Variants in BMPER observed in about 807,000 individuals in gnomAD.
BMPER encodes the protein BMP binding endothelial regulator, also known as BMP-binding endothelial regulator protein.
In BMPER, 45 loss-of-function variants were observed where a neutral mutation model predicts 87.3. That is an observed-to-expected ratio of 0.52 (90% CI 0.41 to 0.66). The LOEUF (loss-of-function observed/expected upper bound fraction) is 0.66. Among genes scored for constraint, BMPER ranks in the 30% least tolerant of loss-of-function variants. The pLI, the probability that BMPER is intolerant of heterozygous loss-of-function variation, is 0.00. For synonymous variants in BMPER, 326 were observed against 316.2 expected (o/e 1.03, Z -0.33); for missense variants, 784 against 867.5 (o/e 0.90, Z 1.21).
intron 10 of BMPER, among the ~76,000 whole-genome samples, chr7:34,059,002 C>G (rs1788358136): frequency 6.8e-6 from 1 of 147,416 alleles, no homozygotes; most frequent in African/African-American, 2.5e-5. Context: ...TATTGCACAA[C>G]TGAATAAAGA....
At chr7:33,999,903 A>T (rs1786532133) in intron 6 of BMPER, among the ~76,000 whole-genome samples, 1 of 152,220 alleles carries the variant, frequency 6.6e-6, no homozygotes, top group African/African-American at 2.4e-5. Flanking sequence ...AGAACTTAAA[A>T]GGCCACTACG....
At chr7:34,006,509 G>A (rs1335528702) in intron 6 of BMPER, among the ~76,000 whole-genome samples, 4 of 152,032 alleles carry the variant, frequency 2.6e-5, no homozygotes, top group Non-Finnish European at 5.9e-5. Context: ...AGCAATCAGA[G>A]CAAAATTTGA....
intron 11 of BMPER, among the ~76,000 whole-genome samples, chr7:34,078,346 T>C (rs1782340751): frequency 6.6e-6 from 1 of 152,226 alleles, no homozygotes; most frequent in African/African-American, 2.4e-5. Flanking sequence ...TGATTTATCC[T>C]AGGTAAATAC....
At position 34,009,638 on chromosome 7, in the gene BMPER, A is replaced by T. The variant is rs150242584; in HGVS notation, c.576+34854A>T. ...CTGTGGATAAAACCGTATAAATGTG[A>T]GAGAGAGGTGGCATTCTGCTGCTCT... On this transcript the variant is annotated intron_variant, in intron 6 of 14. Transcript: ENST00000649409. Among the ~76,000 whole-genome samples, 759 of 152,096 alleles carry T rather than the reference A, an allele frequency of 5.0e-3. 9 individuals are homozygous for T. The highest frequency in any genetic ancestry group is 8.6e-3 in the Non-Finnish European group (581 of 67,926).
intron 6 of BMPER, among the ~76,000 whole-genome samples, chr7:34,009,523 G>A (rs1010309608): frequency 4.6e-5 from 7 of 151,836 alleles, no homozygotes; most frequent in Non-Finnish European, 7.4e-5. Context: ...GCAAGTAGCA[G>A]ACTTAGCTGT....
chr7:34,058,140 A>T lies in BMPER; in HGVS notation c.1009A>T (p.Ile337Phe). The part of the protein sequence containing the change: ...GRTECRNKQC[I>F]PISSCPQGKI... ...GACGGAGTGTCGCAATAAGCAGTGC[A>T]TTCCCATCAGTAGCTGCCCACAGGT... Residue 337 changes from isoleucine (I) to phenylalanine (F), a missense_variant, in exon 10 of 15, where the codon ATT (isoleucine) becomes TTT (phenylalanine). Transcript: ENST00000649409. The T allele has an allele frequency of 6.2e-7, 1 of 1,614,100 alleles. No homozygotes were observed. Among genetic ancestry groups the T allele is most frequent in the African/African-American group, 1.3e-5 (1 of 75,048 alleles).
chr7:34,073,956 G>T, intron 11 of BMPER, among the ~76,000 whole-genome samples: 1 of 152,240 alleles, frequency 6.6e-6, no homozygotes, highest in Non-Finnish European at 1.5e-5. Context: ...GCCCAGGTGA[G>T]GGGGGCCAGC....
At chr7:33,945,099 G>A (rs1414283501) in intron 3 of BMPER, among the ~76,000 whole-genome samples, 5 of 151,856 alleles carry the variant, frequency 3.3e-5, no homozygotes, top group African/African-American at 9.7e-5. Flanking sequence ...CTGCCAACAC[G>A]CCCGGCTAAT....
intron 2 of BMPER, among the ~76,000 whole-genome samples, chr7:33,935,989 C>G (rs889755269): frequency 9.2e-5 from 14 of 152,086 alleles, no homozygotes; most frequent in African/African-American, 2.9e-4. Context: ...AGGCCCAACC[C>G]TCCCCGTAGA....
intron 6 of BMPER, among the ~76,000 whole-genome samples, chr7:34,024,374 A>C (rs886926995): frequency 3.3e-5 from 3 of 91,232 alleles, no homozygotes; most frequent in East Asian, 3.2e-4. Flanking sequence ...AAAAAAAAAA[A>C]AAAAAAAACA....
chr7:34,085,509 A>T (rs1052777879), intron 12 of BMPER, among the ~76,000 whole-genome samples: 6 of 152,226 alleles, frequency 3.9e-5, no homozygotes, highest in African/African-American at 1.4e-4. Flanking sequence ...CCAGGGGTAC[A>T]TAGGATGTTA....
At chr7:34,011,599 A>G (rs190978445) in intron 6 of BMPER, among the ~76,000 whole-genome samples, 9 of 148,624 alleles carry the variant, frequency 6.1e-5, no homozygotes, top group Non-Finnish European at 1.0e-4. Context: ...AAAAAAAAAA[A>G]AAAAAGAAAA....
At position 34,060,264 on chromosome 7, in the gene BMPER, T is replaced by C. The variant is rs1788401402; in HGVS notation, c.1033-1738T>C. 2.0e-5 allele frequency among the ~76,000 whole-genome samples: 3 copies of C among 151,956 alleles called. No individual in the cohort carries two copies. The South Asian group carries it at 6.3e-4, about 32-fold the overall frequency. On this transcript the variant is annotated intron_variant, in intron 10 of 14. Coordinates refer to ENST00000649409, the MANE Select transcript of BMPER (RefSeq NM_001365308.1). The stretch of plus-strand genomic sequence containing the variant: ...GGAAGTTTCCACCGAGATGTGGATG[T>C]AGGGAATCGTAGTCACATTTGTTTG...
At position 34,058,042 on chromosome 7, in the gene BMPER, T is replaced by C; in HGVS notation, c.928-17T>C. On this transcript the variant is annotated splice_polypyrimidine_tract_variant and intron_variant, in intron 9 of 14. Coordinates refer to ENST00000649409, the MANE Select transcript of BMPER (RefSeq NM_001365308.1). ...CAGCCTCCAGCTGCTGACAGGATCC[T>C]GTGCCCTCTCTTGTAGGATGGAGAG... 1 of 1,610,884 alleles carries C rather than the reference T, an allele frequency of 6.2e-7. No homozygotes were observed.
chr7:34,097,836 C>A (rs1371954321), intron 13 of BMPER, among the ~76,000 whole-genome samples: 1 of 152,128 alleles, frequency 6.6e-6, no homozygotes, highest in African/African-American at 2.4e-5. Context: ...GCTTAGGTTT[C>A]TTCTGTGCAA....
chr7:34,129,613 AGAG>A (rs1790509619), intron 13 of BMPER, among the ~76,000 whole-genome samples: 2 of 111,398 alleles, frequency 1.8e-5, no homozygotes, highest in African/African-American at 7.1e-5. Context: ...AGAGAGAAAG[AGAG>A]AGAGAGAGAA....
chr7:33,913,130 AT>A (rs1171613306), intron 2 of BMPER, among the ~76,000 whole-genome samples: 1 of 152,184 alleles, frequency 6.6e-6, no homozygotes, highest in Non-Finnish European at 1.5e-5. Flanking sequence ...CTGCCAGTGA[AT>A]TCTGACTAGG....
chr7:33,921,622 C>T (rs757195529), intron 2 of BMPER, among the ~76,000 whole-genome samples: 2 of 152,150 alleles, frequency 1.3e-5, no homozygotes, highest in African/African-American at 4.8e-5. Context: ...TCCTGCCTGG[C>T]GCCTTTGGGT....
At chr7:34,111,188 T>C (rs1324917278) in intron 13 of BMPER, among the ~76,000 whole-genome samples, 2 of 152,248 alleles carry the variant, frequency 1.3e-5, no homozygotes, top group African/African-American at 4.8e-5. Flanking sequence ...TTATGGAATC[T>C]CCTGCTGTTT....
Sources: allele counts gnomAD v4.1 joint callset (sites outside exome capture counted in the v4.1 genomes callset), GRCh38; gene constraint gnomAD v4.1.1; transcripts MANE v1.5; gene names NCBI Gene and HGNC (gene_info 2026-07-23, HGNC 2026-07-21).